Variants in WWOX observed in about 807,000 individuals in gnomAD.
WWOX encodes the protein WW domain-containing oxidoreductase.
In WWOX, 69 loss-of-function variants were observed where a neutral mutation model predicts 46.2. That is an observed-to-expected ratio of 1.49 (90% CI 1.23 to 1.82). The LOEUF (loss-of-function observed/expected upper bound fraction) is 1.82. Among genes scored for constraint, WWOX ranks in the 40% most tolerant of loss-of-function variants. WWOX has a pLI of 0.00. For synonymous variants in WWOX, 359 were observed against 202.6 expected (o/e 1.77, Z -6.56); for missense variants, 919 against 542.6 (o/e 1.69, Z -6.89).
At chr16:78,520,554 A>T (rs2043325984) in intron 8 of WWOX, among the ~76,000 whole-genome samples, 1 of 151,574 alleles carries the variant, frequency 6.6e-6, no homozygotes, top group Non-Finnish European at 1.5e-5. Context: ...GATGCTCAGC[A>T]CAGATTGGCA....
At position 78,348,340 on chromosome 16, in the gene WWOX, G is replaced by A. The variant is rs2081128186; in HGVS notation, c.517-38520G>A. Among the ~76,000 whole-genome samples, 2 of 120,932 alleles carry A rather than the reference G, an allele frequency of 1.7e-5. 1 individual carries two copies. Among genetic ancestry groups the A allele is most frequent in the African/African-American group, 5.6e-5 (2 of 35,732 alleles). The allele number at this position is 120,932 out of a possible 152,430, so 79.3% of individuals were successfully genotyped here. A position where few individuals can be genotyped will look rare whatever the true frequency, so the allele number is the denominator to read the frequency against. On this transcript the variant is annotated intron_variant, in intron 5 of 8. Coordinates refer to ENST00000566780, the MANE Select transcript of WWOX (RefSeq NM_016373.4). ...TGTCACTTATATCCAGGAAAGAGTG[G>A]CAAAGAACCATCCCAGCAGATAGCT...
chr16:78,565,007 G>C (rs2044530828), intron 8 of WWOX, among the ~76,000 whole-genome samples: 1 of 152,030 alleles, frequency 6.6e-6, no homozygotes, highest in Non-Finnish European at 1.5e-5. Flanking sequence ...ACAATTGTTG[G>C]AGCCCTAGGA....
chr16:79,055,992 C>A (rs945541351), intron 8 of WWOX, among the ~76,000 whole-genome samples: 3 of 152,184 alleles, frequency 2.0e-5, no homozygotes, highest in Admixed American at 6.5e-5. Flanking sequence ...TGATCTGTTG[C>A]CTAATCTTCT....
intron 8 of WWOX, among the ~76,000 whole-genome samples, chr16:78,875,575 C>T (rs930070697): frequency 2.0e-5 from 3 of 152,166 alleles, no homozygotes; most frequent in African/African-American, 7.2e-5. Context: ...TGCCTCTCTT[C>T]CCGACTCTTC....
chr16:79,022,653 A>T (rs941656159), intron 8 of WWOX, among the ~76,000 whole-genome samples: 5 of 152,098 alleles, frequency 3.3e-5, no homozygotes, highest in Non-Finnish European at 5.9e-5. Flanking sequence ...CATTCATGTA[A>T]TTGGGGGCTG....
intron 8 of WWOX, among the ~76,000 whole-genome samples, chr16:78,777,360 C>A (rs1227217155): frequency 6.6e-6 from 1 of 152,258 alleles, no homozygotes; most frequent in African/African-American, 2.4e-5. Context: ...CTACTGAGCA[C>A]TTGAAACGTG....
chr16:78,540,020 T>TCTCACACA (rs369075883), intron 8 of WWOX, among the ~76,000 whole-genome samples: 92 of 132,922 alleles, frequency 6.9e-4, no homozygotes, highest in South Asian at 1.2e-3. Context: ...TCTCTCTCTC[T>TCTCACACA]CACACACACA....
intron 8 of WWOX, among the ~76,000 whole-genome samples, chr16:78,594,429 G>GCCCC (rs138806967): frequency 9.3e-5 from 3 of 32,392 alleles, no homozygotes; most frequent in Non-Finnish European, 1.0e-4. Context: ...CTGAGGAAAG[G>GCCCC]CCCCCCCCCC....
At chr16:78,879,672 G>A (rs1384123587) in intron 8 of WWOX, among the ~76,000 whole-genome samples, 1 of 152,118 alleles carries the variant, frequency 6.6e-6, no homozygotes, top group Non-Finnish European at 1.5e-5. Flanking sequence ...AAGGTCGGGA[G>A]TTCGAGACCA....
At chr16:79,046,467 A>G (rs979980736) in intron 8 of WWOX, among the ~76,000 whole-genome samples, 5 of 152,158 alleles carry the variant, frequency 3.3e-5, no homozygotes. Flanking sequence ...GGGAAGTCTA[A>G]GATTAAGGCA....
rs1291855549 is a variant in WWOX at position 78,534,025 on chromosome 16, G to C, written c.1056+101273G>C. Among the ~76,000 whole-genome samples, 5 of 152,286 alleles carry C rather than the reference G, an allele frequency of 3.3e-5. No homozygotes were observed. In the East Asian group the frequency reaches 9.6e-4, roughly 29 times the overall value. On this transcript the variant is annotated intron_variant, in intron 8 of 8. Coordinates refer to ENST00000566780, the MANE Select transcript of WWOX (RefSeq NM_016373.4). The stretch of plus-strand genomic sequence containing the variant: ...TAGAGGATGAATGAGTGATGGGTAA[G>C]AGAGTTCTCAGAAAAATGGATATAA...
chr16:78,261,466 A>G (rs974767368), intron 5 of WWOX, among the ~76,000 whole-genome samples: 5 of 150,854 alleles, frequency 3.3e-5, no homozygotes, highest in Non-Finnish European at 7.4e-5. Flanking sequence ...GCTGTATAAA[A>G]AGAAAAGACT....
intron 5 of WWOX, among the ~76,000 whole-genome samples, chr16:78,375,295 C>A (rs147381507): frequency 1.9e-4 from 29 of 152,346 alleles, no homozygotes; most frequent in African/African-American, 6.5e-4. Flanking sequence ...GAGAGGCCGG[C>A]ATTCAGCCAA....
At chr16:78,986,085 G>A (rs1246952137) in intron 8 of WWOX, among the ~76,000 whole-genome samples, 1 of 152,228 alleles carries the variant, frequency 6.6e-6, no homozygotes, top group Admixed American at 6.5e-5. Context: ...GTGTGGGAAT[G>A]TCAAGATGAA....
chr16:79,041,213 G>A (rs966274310), intron 8 of WWOX, among the ~76,000 whole-genome samples: 4 of 152,154 alleles, frequency 2.6e-5, no homozygotes, highest in African/African-American at 9.7e-5. Flanking sequence ...ATGCAAAAGA[G>A]GAATCTTCTT....
intron 8 of WWOX, among the ~76,000 whole-genome samples, chr16:78,506,036 C>A (rs2085194851): frequency 6.6e-6 from 1 of 152,220 alleles, no homozygotes; most frequent in Non-Finnish European, 1.5e-5. Context: ...CCCTTGCACC[C>A]CTGGATCTTC....
intron 8 of WWOX, among the ~76,000 whole-genome samples, chr16:78,541,531 G>C (rs1398026871): frequency 7.3e-6 from 1 of 137,502 alleles, no homozygotes; most frequent in African/African-American, 2.7e-5. Flanking sequence ...CAAATGTTCT[G>C]ACAGAAATAC....
intron 8 of WWOX, among the ~76,000 whole-genome samples, chr16:78,938,624 A>G (rs769527307): frequency 6.6e-6 from 1 of 152,052 alleles, no homozygotes; most frequent in Non-Finnish European, 1.5e-5. Context: ...TCATTTGTTC[A>G]TTTATTCCAC....
intron 8 of WWOX, among the ~76,000 whole-genome samples, chr16:78,920,429 C>G (rs1396969290): frequency 2.0e-5 from 3 of 152,160 alleles, no homozygotes; most frequent in Non-Finnish European, 2.9e-5. Flanking sequence ...TCCTAAGGTC[C>G]CAGCCACCTA....
Sources: allele counts gnomAD v4.1 joint callset (sites outside exome capture counted in the v4.1 genomes callset), GRCh38; gene constraint gnomAD v4.1.1; transcripts MANE v1.5; gene names NCBI Gene and HGNC (gene_info 2026-07-23, HGNC 2026-07-21).